TTN: variants seen among roughly 807,000 people sequenced by gnomAD.
TTN encodes connectin.
In TTN, 1,525 loss-of-function variants were observed where a neutral mutation model predicts 3,223.0. That is an observed-to-expected ratio of 0.47 (90% CI 0.45 to 0.49). The LOEUF (loss-of-function observed/expected upper bound fraction) is 0.49, where lower values mean the gene tolerates loss of function less well. Among genes scored for constraint, TTN ranks in the 20% least tolerant of loss-of-function variants. The pLI is 0.00. For missense variants in TTN, 40,786 were observed against 43,424.0 expected, an observed-to-expected ratio of 0.94 and a Z score of 5.40; for synonymous variants, 14,094 against 15,161.0, an observed-to-expected ratio of 0.93 and a Z score of 5.17.
At chr2:178,600,188 CTCTT>C (rs1051165229) in intron 288 of TTN, among the ~76,000 whole-genome samples, 1 of 151,780 alleles carries the variant, frequency 6.6e-6, no homozygotes, top group African/African-American at 2.4e-5. Context: ...ATGGGATACT[CTCTT>C]TAATATTTAC....
In TTN at chr2:178,568,945, T is replaced by A. The variant is rs531490944; in HGVS notation, c.77187A>T (p.Lys25729Asn). 22 of 1,613,442 alleles carry A rather than the reference T, an allele frequency of 1.4e-5. No individual in the cohort carries two copies. The South Asian group carries it at 2.3e-4, about 17-fold the overall frequency. The change falls in exon 326 of 363, where the codon AAA becomes AAT. Residue 25729 changes from lysine (K) to asparagine (N), a missense_variant. Coordinates refer to ENST00000589042, the MANE Select transcript of TTN (RefSeq NM_001267550.2). ...WTKPEHDGGS[K>N]IIQYIVEMQA... The stretch of plus-strand genomic sequence containing the variant: ...GCATTTCCACAATATACTGAATGAT[T>A]TTACTGCCACCATCATGTTCAGGTT...
At position 178,768,821 on chromosome 2, in the gene TTN, A is replaced by G; in HGVS notation, c.9015T>C (p.Gly3005=). The G allele has an allele frequency of 6.2e-7, 1 of 1,614,014 alleles. No individual in the cohort carries two copies. Among genetic ancestry groups the G allele is most frequent in the East Asian group, 2.2e-5 (1 of 44,834 alleles). ...EGISYKWLKN[G]VEIKSTDKCQ... Reference sequence around the variant, plus strand: ...ACTTGTCAGTTGATTTGATTTCCACACCATTCTTTAACCATTTGTAAGAGA... The same window carrying G: ...ACTTGTCAGTTGATTTGATTTCCACGCCATTCTTTAACCATTTGTAAGAGA... The change falls in exon 38 of 363, where the codon GGT becomes GGC. Residue 3005 remains glycine (G), a synonymous_variant. Coordinates refer to ENST00000589042, the MANE Select transcript of TTN (RefSeq NM_001267550.2).
intron 47 of TTN, chr2:178,744,703 T>G (rs2154322283): frequency 1.0e-6 from 1 of 980,470 alleles, no homozygotes; most frequent in South Asian, 4.7e-5. Context: ...TTTTTAAATT[T>G]TAAAGATTCT....
chr2:178,717,711 G>A lies in TTN; in HGVS notation c.25163C>T (p.Pro8388Leu), dbSNP rs745902643. 3.7e-6 allele frequency: 6 copies of A among 1,613,384 alleles called. No individual in the cohort carries two copies. Among genetic ancestry groups the A allele is most frequent in the African/African-American group, 2.7e-5 (2 of 74,992 alleles). Residue 8388 changes from proline to leucine, a missense_variant, in exon 87 of 363, where the codon CCT becomes CTT. By Grantham distance (98) the Pro-to-Leu change is moderately conservative. Coordinates refer to ENST00000589042, the MANE Select transcript of TTN (RefSeq NM_001267550.2). ...AFECRINGSE[P>L]LQVSWYKDGV... ...ATCCTTGTACCAAGACACTTGAAGAGGTTCTGAGCCATTGATGCGGCATTC... is the reference window on the plus strand; with the variant it reads ...ATCCTTGTACCAAGACACTTGAAGAAGTTCTGAGCCATTGATGCGGCATTC...
At position 178,536,148 on chromosome 2, in the gene TTN, G is replaced by C. The variant is rs373667354; in HGVS notation, c.100599C>G (p.Gly33533=). Reference sequence around the variant, plus strand: ...TTAATCCATCTGCAATGATTTCTTTGCCTTGTCTGTACCATTTGACGATAG... The same window carrying C: ...TTAATCCATCTGCAATGATTTCTTTCCCTTGTCTGTACCATTTGACGATAG... ...PKPIVKWYRQ[G]KEIIADGLKY... Residue 33533 remains glycine, a synonymous_variant, in exon 357 of 363, where the codon GGC becomes GGG. Transcript: ENST00000589042. The C allele has an allele frequency of 1.2e-6, 2 of 1,613,612 alleles. No individual in the cohort carries two copies. Among genetic ancestry groups the C allele is most frequent in the Admixed American group, 1.7e-5 (1 of 59,982 alleles).
rs1326270579 is a variant in TTN at position 178,795,062 on chromosome 2, G to A, written c.1105C>T (p.Gln369Ter). 2 of 1,613,828 alleles carry A rather than the reference G, an allele frequency of 1.2e-6. No individual in the cohort carries two copies. Among genetic ancestry groups the A allele is most frequent in the Non-Finnish European group, 1.7e-6 (2 of 1,180,006 alleles). ...TCCCATCTCTCTTCTGTCCTGATCTGAGTAGAGGTTGTCAGCGTTGTCTCT... is the reference window on the plus strand; with the variant it reads ...TCCCATCTCTCTTCTGTCCTGATCTAAGTAGAGGTTGTCAGCGTTGTCTCT... ...MRETTLTTST[Q>*]IRTEERWEGR... The change falls in exon 7 of 363, where the codon CAG (glutamine) becomes TAG (stop). Residue 369 changes from glutamine to a stop codon, truncating the protein, a stop_gained. Transcript: ENST00000589042. LOFTEE classifies it high-confidence loss of function.
Position 178,688,145 on chromosome 2 carries a change from C to T in TTN, c.32277G>A (p.Glu10759=). 6.2e-7 allele frequency: 1 copy of T among 1,612,948 alleles called. No homozygotes were observed. The highest frequency in any genetic ancestry group is 8.5e-7 in the Non-Finnish European group (1 of 1,179,688). ...SISVYREEER[E]EEEEAEVTEY... ...CTGTAACCTCTGCTTCTTCCTCCTC[C>T]TCTCTTTCTTCTTCTCTATAAACTG... is the stretch of plus-strand genomic sequence containing the variant. The change falls in exon 127 of 363, where the codon GAG becomes GAA. Residue 10759 remains glutamate (E), a synonymous_variant. Transcript: ENST00000589042.
At position 178,533,619 on chromosome 2, in the gene TTN, A is replaced by G. The variant is rs776411933; in HGVS notation, c.102996T>C (p.Thr34332=). The G allele has an allele frequency of 3.1e-6, 5 of 1,613,972 alleles. No homozygotes were observed. In the South Asian group the frequency reaches 3.3e-5, roughly 11 times the overall value. The change falls in exon 358 of 363, where the codon ACT becomes ACC. Residue 34332 remains threonine (T), a synonymous_variant. Coordinates refer to ENST00000589042, the MANE Select transcript of TTN (RefSeq NM_001267550.2). ...SVTTDDDAEY[T]VVARNKYGED... is the part of the protein sequence containing the mutation. ...CACCATATTTGTTCCTTGCCACAAC[A>G]GTATATTCAGCGTCATCATCTGTAG...
At chr2:178,696,550 A>C (rs1033391521) in intron 113 of TTN, among the ~76,000 whole-genome samples, 1 of 151,990 alleles carries the variant, frequency 6.6e-6, no homozygotes, top group Non-Finnish European at 1.5e-5. Flanking sequence ...TGAGAGCTCC[A>C]GTTTGCAGAA....
At position 178,530,068 on chromosome 2, in the gene TTN, A is replaced by C. The variant is rs377463445; in HGVS notation, c.106423T>G (p.Phe35475Val). 5.6e-6 allele frequency: 9 copies of C among 1,611,124 alleles called. No homozygotes were observed. Among genetic ancestry groups the C allele is most frequent in the Non-Finnish European group, 6.8e-6 (8 of 1,179,180 alleles). The change falls in exon 359 of 363, where the codon TTC (phenylalanine) becomes GTC (valine). Residue 35475 changes from phenylalanine (F) to valine (V), a missense_variant. Physicochemically the swap from Phe to Val is conservative, Grantham distance 50. Coordinates refer to ENST00000589042, the MANE Select transcript of TTN (RefSeq NM_001267550.2). ...TCAGTCTTATGAATTTCTAAGAAGAACCCTCCCTTGTCTTCAGAGAGTTTA... is the reference window on the plus strand; with the variant it reads ...TCAGTCTTATGAATTTCTAAGAAGACCCCTCCCTTGTCTTCAGAGAGTTTA... ...KYKLSEDKGG[F>V]FLEIHKTDTS...
chr2:178,730,830 C>T, intron 60 of TTN, 38 bp from the exon 61 acceptor site: 1 of 1,537,564 alleles, frequency 6.5e-7, no homozygotes. Context: ...AAAAAAAGGT[C>T]AATCTACTAA....
chr2:178,652,623 C>A (rs1022600311), intron 201 of TTN, 30 bp downstream of exon 201: 2 of 1,612,518 alleles, frequency 1.2e-6, no homozygotes, highest in African/African-American at 1.3e-5. Context: ...AGAGATAGAT[C>A]TTCTGACGCT....
chr2:178,760,005 A>G (rs564197070), intron 43 of TTN, among the ~76,000 whole-genome samples: 1 of 152,342 alleles, frequency 6.6e-6, no homozygotes, highest in South Asian at 2.1e-4. Context: ...TGAATAGCCA[A>G]AATCAAAGCC....
intron 1 of TTN, 104 bp from the exon 2 acceptor site, chr2:178,804,759 T>C: frequency 9.6e-7 from 1 of 1,045,232 alleles, no homozygotes; most frequent in Non-Finnish European, 1.4e-6. Context: ...GATTGCTCCA[T>C]AGGTCATCTG....
At chr2:178,635,072 A>G in intron 228 of TTN, 93 bp downstream of exon 228, 1 of 1,542,680 alleles carries the variant, frequency 6.5e-7, no homozygotes, top group South Asian at 1.2e-5. Flanking sequence ...TAACTCCATT[A>G]TTATTAAAGC....
rs1263923996 is a variant in TTN, at chr2:178,756,278, A to G, written c.11198T>C (p.Ile3733Thr). ...QLVDQGLYSC[I>T]VHNDCGERTT... ...CCTCTCTCCACAGTCATTGTGTACA[A>G]TGCAGCTGTATAGTCCTTGGTCTAC... The change falls in exon 46 of 363, where the codon ATT becomes ACT. Residue 3733 changes from isoleucine (I) to threonine (T), a missense_variant. Coordinates refer to ENST00000589042, the MANE Select transcript of TTN (RefSeq NM_001267550.2). The G allele has an allele frequency of 6.2e-7, 1 of 1,613,744 alleles. No homozygotes were observed. The highest frequency in any genetic ancestry group is 8.5e-7 in the Non-Finnish European group (1 of 1,179,770).
At position 178,578,966 on chromosome 2, in the gene TTN, G is replaced by T; in HGVS notation, c.68064C>A (p.Asn22688Lys). 1 of 1,613,170 alleles carries T rather than the reference G, an allele frequency of 6.2e-7. No homozygotes were observed. The highest frequency in any genetic ancestry group is 1.7e-5 in the Admixed American group (1 of 59,958). ...CTGAGGCGCACGTCACCCACTTGTT[G>T]TTCACAGAATCCCTCTTCTCTAGGA... ...NYILEKRDSV[N>K]NKWVTCASAV... Residue 22688 changes from asparagine to lysine, a missense_variant, in exon 320 of 363, where the codon AAC becomes AAA. By Grantham distance (94) the Asn-to-Lys change is moderately conservative (BLOSUM62 0). Transcript: ENST00000589042.
chr2:178,576,340 A>G lies in TTN; in HGVS notation c.69792T>C (p.Pro23264=). The part of the protein sequence containing the change: ...KKSASLAWGK[P]HYDGGLEITG... ...TGATTTCAAGTCCACCATCATAATG[A>G]GGCTTGCCCCATGCCAAAGAAGCAG... is the stretch of plus-strand genomic sequence containing the variant. Residue 23264 remains proline (P), a synonymous_variant, in exon 326 of 363, where the codon CCT becomes CCC. Transcript: ENST00000589042. The surrounding 1 kb of genome is among the most constrained non-coding windows in gnomAD (Gnocchi z 4.3). 1 of 1,557,694 alleles carries G rather than the reference A, an allele frequency of 6.4e-7. No individual in the cohort carries two copies. The highest frequency in any genetic ancestry group is 2.3e-5 in the East Asian group (1 of 44,360).
In TTN at chr2:178,609,278, A is replaced by T; in HGVS notation, c.52032T>A (p.His17344Gln). 6.3e-7 allele frequency: 1 copy of T among 1,583,702 alleles called. No individual in the cohort carries two copies. Residue 17344 changes from histidine to glutamine, a missense_variant, in exon 273 of 363, where the codon CAT (histidine) becomes CAA (glutamine). His to Gln is a conservative substitution (Grantham distance 24). Transcript: ENST00000589042. ...LRVRDSLRPDHGLYMIKVEND... is the reference protein window; with the variant it reads ...LRVRDSLRPDQGLYMIKVEND... Reference sequence around the variant, plus strand: ...TTTCAACTTTGATCATATACAGACCATGGTCAGGTCGGAGAGAATCTCGGA... The same window carrying T: ...TTTCAACTTTGATCATATACAGACCTTGGTCAGGTCGGAGAGAATCTCGGA...
Sources: gnomAD v4.1 joint callset for allele counts (sites outside exome capture counted in the v4.1 genomes callset) on GRCh38, gnomAD v4.1.1 for gene constraint, Gnocchi (gnomAD v3.1) non-coding constraint, MANE v1.5 for transcripts, NCBI Gene and HGNC (gene_info 2026-07-23, HGNC 2026-07-21) for gene names.